STKLD1: variants seen among roughly 807,000 people sequenced by gnomAD.
STKLD1 encodes the protein serine/threonine kinase-like domain-containing protein STKLD1.
STKLD1 carries 79 observed loss-of-function variants against 80.4 expected under a neutral mutation model. The ratio of observed to expected loss-of-function variants is 0.98; its 90% CI spans 0.82 to 1.19. The LOEUF is 1.19. Ranked by LOEUF, STKLD1 falls within the 50% of genes most tolerant of loss-of-function variation. The pLI is 0.00. For missense variants in STKLD1, 841 were observed against 856.0 expected, an observed-to-expected ratio of 0.98 and a Z score of 0.22; for synonymous variants, 393 against 357.6, an observed-to-expected ratio of 1.10 and a Z score of -1.12.
Position 133,398,492 on chromosome 9 carries a change from T to C in STKLD1, c.1081+437T>C, listed in dbSNP as rs143038569. Reference sequence around the variant, plus strand: ...ATACAACTTGCCCACCTATTAAGAATGCATGGCCTGGCGCAGTAGCTCACG... The same window carrying C: ...ATACAACTTGCCCACCTATTAAGAACGCATGGCCTGGCGCAGTAGCTCACG... On this transcript the variant is annotated intron_variant, in intron 11 of 17. Coordinates refer to ENST00000371957, the MANE Select transcript of STKLD1 (RefSeq NM_153710.5). Among the ~76,000 whole-genome samples the C allele has an allele frequency of 1.5e-4, 23 of 152,312 alleles. No homozygotes were observed. The East Asian group carries it at 4.2e-3, about 28-fold the overall frequency.
chr9:133,403,880 T>C (rs2130691447), intron 15 of STKLD1, 40 bp from the exon 16 acceptor site: 2 of 1,610,680 alleles, frequency 1.2e-6, no homozygotes, highest in Non-Finnish European at 1.7e-6. Flanking sequence ...GTGGGCCTCA[T>C]GGCACAGCAG....
intron 4 of STKLD1, among the ~76,000 whole-genome samples, chr9:133,386,956 A>G (rs1838279063): frequency 6.6e-6 from 1 of 151,904 alleles, no homozygotes; most frequent in African/African-American, 2.4e-5. Context: ...ACTCCCAAAG[A>G]TTTTCTGAGC....
chr9:133,389,570 C>A lies in STKLD1; in HGVS notation c.441C>A (p.Tyr147Ter), dbSNP rs2130284458. The change falls in exon 6 of 18, where the codon TAC becomes TAA. Residue 147 changes from tyrosine to a stop codon, truncating the protein, a stop_gained. Coordinates refer to ENST00000371957, the MANE Select transcript of STKLD1 (RefSeq NM_153710.5). LOFTEE classifies it high-confidence loss of function. This position sits in a 1 kb window ranked among gnomAD's most constrained non-coding sequence, Gnocchi z 6.4. Reference protein sequence around the residue: ...VLGQVLDALEYLHHLDIIHRN... With the variant: ...VLGQVLDALE ...GCCAGGTGCTGGACGCGCTGGAATACCTGCACCATTTGGACATCATCCACA... is the reference window on the plus strand; with the variant it reads ...GCCAGGTGCTGGACGCGCTGGAATAACTGCACCATTTGGACATCATCCACA... 3.1e-6 allele frequency: 5 copies of A among 1,613,422 alleles called. No individual in the cohort carries two copies. The African/African-American group carries it at 5.3e-5, about 17-fold the overall frequency.
rs201139169 is a variant in STKLD1 at position 133,403,025 on chromosome 9, C to T, written c.1474+13C>T. 5.8e-4 allele frequency: 901 copies of T among 1,556,468 alleles called. 4 individuals carry two copies. In the African/African-American group the frequency reaches 0.011, roughly 19 times the overall value. ...CTCCTGCTGGACGGTGAGGGGCCCT[C>T]CTCCTGCTGTCCCACCGGGGCTGGC... On this transcript the variant is annotated intron_variant, in intron 14 of 17. Transcript: ENST00000371957.
Position 133,404,914 on chromosome 9 carries a change from C to T in STKLD1, c.1858C>T (p.His620Tyr). 1 of 1,613,380 alleles carries T rather than the reference C, an allele frequency of 6.2e-7. No homozygotes were observed. Among genetic ancestry groups the T allele is most frequent in the South Asian group, 1.1e-5 (1 of 91,086 alleles). ...GGAGAACGTGGGCATGCTGCTGGTC[C>T]ACCTGGCTTCCTATGGTGAGAACCC... ...VVENVGMLLV[H>Y]LASYEEILPE... Residue 620 changes from histidine to tyrosine, a missense_variant, in exon 17 of 18, where the codon CAC becomes TAC. His to Tyr is a moderately conservative substitution (Grantham distance 83, BLOSUM62 2). Transcript: ENST00000371957.
intron 2 of STKLD1, among the ~76,000 whole-genome samples, chr9:133,383,300 G>GTGGAGATGGTGATGATGA (rs1838187423): frequency 8.0e-5 from 3 of 37,436 alleles, no homozygotes; most frequent in Non-Finnish European, 1.6e-4. Context: ...TGATGTGATG[G>GTGGAGATGGTGATGATGA]TGGTAATGGT....
In STKLD1 at chr9:133,390,564, G is replaced by A. The variant is rs1838366419; in HGVS notation, c.468-117G>A. ...GTGGGCTGCTGCTGCAGAACCAGGT[G>A]GGGCAGGGAGCAGAGAGTCAGGCTC... On this transcript the variant is annotated intron_variant, in intron 6 of 17. Transcript: ENST00000371957. This position sits in a 1 kb window ranked among gnomAD's most constrained non-coding sequence, Gnocchi z 5.1. 6 of 711,016 alleles carry A rather than the reference G, an allele frequency of 8.4e-6. No homozygotes were observed. The highest frequency in any genetic ancestry group is 1.5e-5 in the Non-Finnish European group (6 of 399,408). 44.0% of individuals were successfully genotyped at this position (711,016 alleles called of 1,614,324 possible). A position where few individuals can be genotyped will look rare whatever the true frequency, so the allele number is the denominator to read the frequency against.
Position 133,405,545 on chromosome 9 carries a change from C to A in STKLD1, c.*124C>A. ...ATCTTAAACGGGAGGGGTAATCAGA[C>A]CTCTCCAAAGAGTTTCCTGTCCATG... On this transcript the variant is annotated 3_prime_UTR_variant, in exon 18 of 18. Coordinates refer to ENST00000371957, the MANE Select transcript of STKLD1 (RefSeq NM_153710.5). The A allele has an allele frequency of 1.0e-6, 1 of 985,572 alleles. No homozygotes were observed. The highest frequency in any genetic ancestry group is 1.4e-6 in the Non-Finnish European group (1 of 696,194). The allele number at this position is 985,572 out of a possible 1,614,324, so 61.1% of individuals were successfully genotyped here. A position where few individuals can be genotyped will look rare whatever the true frequency, so the allele number is the denominator to read the frequency against.
chr9:133,376,605 C>A, intron 1 of STKLD1, 45 bp downstream of exon 1: 1 of 1,505,684 alleles, frequency 6.6e-7, no homozygotes. Flanking sequence ...CGTGGGGTAA[C>A]GGTCGCAACC....
At chr9:133,388,179 C>T (rs1588742489) in intron 5 of STKLD1, among the ~76,000 whole-genome samples, 2 of 152,196 alleles carry the variant, frequency 1.3e-5, no homozygotes, top group Non-Finnish European at 2.9e-5. Context: ...TGGTTGGCCC[C>T]ATGTTTACTC....
Position 133,385,567 on chromosome 9 carries a change from A to T in STKLD1, c.220-50A>T. On this transcript the variant is annotated intron_variant, in intron 3 of 17. Transcript: ENST00000371957. This position sits in a 1 kb window ranked among gnomAD's most constrained non-coding sequence, Gnocchi z 4.9. The stretch of plus-strand genomic sequence containing the variant: ...GTGACAGAGAAGCCCGAGCTGAGAA[A>T]GGCGTGGAGAGGCACTGACTTCTCC... The T allele has an allele frequency of 6.4e-7, 1 of 1,565,062 alleles. No homozygotes were observed. The highest frequency in any genetic ancestry group is 8.8e-7 in the Non-Finnish European group (1 of 1,138,146).
chr9:133,397,977 A>C lies in STKLD1; in HGVS notation c.1003A>C (p.Met335Leu). 1 of 1,613,400 alleles carries C rather than the reference A, an allele frequency of 6.2e-7. No homozygotes were observed. The highest frequency in any genetic ancestry group is 8.5e-7 in the Non-Finnish European group (1 of 1,179,788). ...CTGCCTTCCTGTCCCTGCAGAGGTC[A>C]TGCAGAAATTCTCTGGCTGGCCCGA... ...EGNVASILEVMQKFSGWPEVQ... is the reference protein window; with the variant it reads ...EGNVASILEVLQKFSGWPEVQ... The change falls in exon 11 of 18, where the codon ATG becomes CTG. Residue 335 changes from methionine (M) to leucine (L), a missense_variant. Physicochemically the swap from Met to Leu is conservative, Grantham distance 15. Transcript: ENST00000371957.
intron 2 of STKLD1, among the ~76,000 whole-genome samples, chr9:133,381,072 A>G (rs1588735677): frequency 6.7e-6 from 1 of 149,200 alleles, no homozygotes; most frequent in Non-Finnish European, 1.5e-5. Flanking sequence ...TTTGTTTAGC[A>G]TCCATGATTT....
intron 14 of STKLD1, 152 bp from the exon 15 acceptor site, chr9:133,403,548 C>T: frequency 7.1e-6 from 7 of 989,510 alleles, no homozygotes; most frequent in Non-Finnish European, 1.0e-5. Context: ...CCTGGGCTAA[C>T]CCCTGCACCC....
chr9:133,402,854 G>A, intron 13 of STKLD1, 24 bp from the exon 14 acceptor site: 1 of 1,592,478 alleles, frequency 6.3e-7, no homozygotes, highest in South Asian at 1.1e-5. Flanking sequence ...GGGCCCTGGG[G>A]CCCTCATTCT....
chr9:133,376,767 A>ACTAAGGATT (rs1038723370), intron 1 of STKLD1, among the ~76,000 whole-genome samples: 32 of 152,136 alleles, frequency 2.1e-4, no homozygotes, highest in African/African-American at 7.7e-4. Flanking sequence ...TTGTGAATTG[A>ACTAAGGATT]CTAAGGATTC....
rs1838709386 is a variant in STKLD1, at chr9:133,401,660, AGCCTGTGAGCCTTGTGTGTCTGGCCCCAT to A, written c.1199-72_1199-44del. Reference sequence around the variant, plus strand: ...ATGCAAAGTGGAGATGCTATCCCCCAGCCTGTGAGCCTTGTGTGTCTGGCCCCATGCCTGAGCTGTGGGGCTAACCCCAG... The same window carrying A: ...ATGCAAAGTGGAGATGCTATCCCCCAGCCTGAGCTGTGGGGCTAACCCCAG... On this transcript the variant is annotated intron_variant, in intron 12 of 17. Transcript: ENST00000371957. The A allele has an allele frequency of 5.4e-6, 8 of 1,487,284 alleles. No homozygotes were observed. In the South Asian group the frequency reaches 8.9e-5, roughly 16 times the overall value. The allele number at this position is 1,487,284 out of a possible 1,614,324, so 92.1% of individuals were successfully genotyped here. A position where few individuals can be genotyped will look rare whatever the true frequency, so the allele number is the denominator to read the frequency against.
chr9:133,376,416 G>T lies in STKLD1; in HGVS notation c.-58G>T. On this transcript the variant is annotated 5_prime_UTR_variant, in exon 1 of 18. Transcript: ENST00000371957. ...CGGGGAGGATCCCGCGGGTCCCACT[G>T]ACCCACGCGGGGTGGGGCCAGGGGT... 2 of 1,491,978 alleles carry T rather than the reference G, an allele frequency of 1.3e-6. No individual in the cohort carries two copies. The highest frequency in any genetic ancestry group is 2.6e-5 in the South Asian group (2 of 78,050). The allele number at this position is 1,491,978 out of a possible 1,614,324, so 92.4% of individuals were successfully genotyped here.
intron 5 of STKLD1, chr9:133,387,815 G>C (rs1258915301): frequency 1.7e-6 from 1 of 586,916 alleles, no homozygotes; most frequent in Non-Finnish European, 3.2e-6. Flanking sequence ...CATGATTCCA[G>C]ATTGTTCTGC....
Sources: gnomAD v4.1 joint callset for allele counts (sites outside exome capture counted in the v4.1 genomes callset) on GRCh38, gnomAD v4.1.1 for gene constraint, Gnocchi (gnomAD v3.1) non-coding constraint, MANE v1.5 for transcripts, NCBI Gene and HGNC (gene_info 2026-07-23, HGNC 2026-07-21) for gene names.